MSANTD2: variants seen among roughly 807,000 people sequenced by gnomAD.
MSANTD2 encodes myb/SANT-like DNA-binding domain-containing protein 2.
Under a neutral mutation model 52.6 loss-of-function variants are expected in MSANTD2, and 19 were observed. The observed-to-expected ratio is 0.36, with a 90% CI of 0.25 to 0.53. The LOEUF is 0.53. Ranked by LOEUF, MSANTD2 falls within the 20% of genes least tolerant of loss-of-function variation. The pLI, the probability that MSANTD2 is intolerant of heterozygous loss-of-function variation, is 0.91. For missense variants in MSANTD2, 558 were observed against 716.3 expected, an observed-to-expected ratio of 0.78 and a Z score of 2.52; for synonymous variants, 291 against 289.7, an observed-to-expected ratio of 1.00 and a Z score of -0.04.
rs765997798 is a variant in MSANTD2 at position 124,774,721 on chromosome 11, A to G, written c.764T>C (p.Leu255Ser). ...DLHGYPTDQE[L>S]DEIPVTKRTL... ...ATCATATATGTTGGCTTTCTTACCCAATTCCTGATCTGTTGGATAGCCATG... is the reference window on the plus strand; with the variant it reads ...ATCATATATGTTGGCTTTCTTACCCGATTCCTGATCTGTTGGATAGCCATG... The change falls in exon 2 of 4, where the codon TTG (leucine) becomes TCG (serine). Residue 255 changes from leucine (L) to serine (S), a missense_variant and splice_region_variant. Leu to Ser is a moderately radical substitution (Grantham distance 145). Transcript: ENST00000374979. This position sits in a 1 kb window ranked among gnomAD's most constrained non-coding sequence, Gnocchi z 5.1. 1 of 1,613,896 alleles carries G rather than the reference A, an allele frequency of 6.2e-7. No homozygotes were observed. Among genetic ancestry groups the G allele is most frequent in the South Asian group, 1.1e-5 (1 of 91,030 alleles).
chr11:124,775,025 A>G, intron 1 of MSANTD2, 51 bp from the exon 2 acceptor site: 2 of 1,488,382 alleles, frequency 1.3e-6, no homozygotes, highest in South Asian at 2.6e-5. Context: ...TTCCTCTTCC[A>G]GGTACGGACC....
rs575393398 is a variant in MSANTD2, at chr11:124,784,301, A to G, written c.511-9327T>C. The G allele has an allele frequency of 1.0e-5, 10 of 985,404 alleles. No individual in the cohort carries two copies. The South Asian group carries it at 2.8e-4, about 28-fold the overall frequency. 61.0% of individuals were successfully genotyped at this position (985,404 alleles called of 1,614,324 possible). ...TTCACACCTTGGGGGACTACATCAA[A>G]GAGGTATTCAGATACACTAAAAATG... On this transcript the variant is annotated intron_variant, in intron 1 of 3. Coordinates refer to ENST00000374979, the MANE Select transcript of MSANTD2 (RefSeq NM_001308027.2).
At chr11:124,784,651 A>G (rs1371806232) in intron 1 of MSANTD2, 1 of 984,856 alleles carries the variant, frequency 1.0e-6, no homozygotes, top group Non-Finnish European at 1.2e-6. Context: ...TCGTCTGTTG[A>G]CCATGTGATT....
At chr11:124,791,187 A>G (rs1945321010) in intron 1 of MSANTD2, 1 of 1,098,042 alleles carries the variant, frequency 9.1e-7, no homozygotes. Context: ...GGTTGGAAGA[A>G]TGGGTGCATG....
intron 1 of MSANTD2, among the ~76,000 whole-genome samples, chr11:124,793,673 A>C (rs1219810264): frequency 6.6e-6 from 1 of 152,244 alleles, no homozygotes; most frequent in East Asian, 1.9e-4. Context: ...GAACACTTCC[A>C]TCATCACAAT....
At chr11:124,783,951 C>T (rs1945072155) in intron 1 of MSANTD2, 1 of 985,286 alleles carries the variant, frequency 1.0e-6, no homozygotes, top group African/African-American at 1.7e-5. Context: ...ACCTAGCATG[C>T]ATGTTCATGT....
intron 1 of MSANTD2, among the ~76,000 whole-genome samples, chr11:124,786,711 C>T (rs1447884187): frequency 2.6e-5 from 4 of 152,082 alleles, no homozygotes; most frequent in Admixed American, 1.3e-4. Context: ...TCTTAGGAAA[C>T]GATAAATTAT....
At position 124,800,351 on chromosome 11, in the gene MSANTD2, G is replaced by A. The variant is rs994945374; in HGVS notation, c.30C>T (p.Pro10=). The A allele has an allele frequency of 1.9e-6, 3 of 1,546,952 alleles. No homozygotes were observed. The highest frequency in any genetic ancestry group is 5.3e-5 in the East Asian group (2 of 37,840). Residue 10 remains proline (P), a synonymous_variant, in exon 1 of 4, where the codon CCC becomes CCT. Transcript: ENST00000374979. This position sits in a 1 kb window ranked among gnomAD's most constrained non-coding sequence, Gnocchi z 4.3. ...TCGGAATTTTTAGCGGCGAGTTGGC[G>A]GGCAGCTCCGAGCCACAGGGCGCAG... MAAPCGSEL[P]ANSPLKIPKM...
At chr11:124,795,180 CTT>C (rs1276201128) in intron 1 of MSANTD2, among the ~76,000 whole-genome samples, 1 of 152,162 alleles carries the variant, frequency 6.6e-6, no homozygotes, top group Non-Finnish European at 1.5e-5. Context: ...TGCCCGGCCT[CTT>C]TTACCATTTT....
intron 1 of MSANTD2, among the ~76,000 whole-genome samples, chr11:124,785,078 C>T (rs987102629): frequency 6.6e-6 from 1 of 152,288 alleles, no homozygotes; most frequent in African/African-American, 2.4e-5. Flanking sequence ...TAAATTCAGG[C>T]AATCATAACT....
At chr11:124,772,806 T>A (rs1331756769) in intron 3 of MSANTD2, among the ~76,000 whole-genome samples, 188 bp downstream of exon 3, 1 of 150,612 alleles carries the variant, frequency 6.6e-6, no homozygotes, top group Non-Finnish European at 1.5e-5. Context: ...GAATTACCAG[T>A]GATGCTATGT....
intron 1 of MSANTD2, chr11:124,784,595 T>C: frequency 1.0e-6 from 1 of 985,322 alleles, no homozygotes; most frequent in South Asian, 4.7e-5. Context: ...AAAGGGAGAC[T>C]GTGCAGAGCA....
At chr11:124,799,803 C>G in intron 1 of MSANTD2, 68 bp downstream of exon 1, 2 of 1,252,556 alleles carry the variant, frequency 1.6e-6, no homozygotes, top group South Asian at 2.8e-5. Flanking sequence ...CGGCCCCCGC[C>G]CCCGAGGCCC....
rs148480045 is a variant in MSANTD2 at position 124,772,151 on chromosome 11, T to C, written c.827+843A>G. The stretch of plus-strand genomic sequence containing the variant: ...CCCTGGACTTTCTTAGTCTTTCCTC[T>C]AGCAACTGCTTTCTTCTCCAAATGT... On this transcript the variant is annotated intron_variant, in intron 3 of 3. Transcript: ENST00000374979. Among the ~76,000 whole-genome samples the C allele has an allele frequency of 2.0e-3, 308 of 152,326 alleles. 2 individuals carry two copies. In the Middle Eastern group the frequency reaches 0.02, roughly 10 times the overall value.
rs1944334150 is a variant in MSANTD2, at chr11:124,767,291, G to A, written c.1565C>T (p.Ser522Phe). ...AAATTTGATGTAGATGGATTTGGGGGAAACTCCGGGATCCACAATACAGTT... is the reference window on the plus strand; with the variant it reads ...AAATTTGATGTAGATGGATTTGGGGAAAACTCCGGGATCCACAATACAGTT... ...SQNCIVDPGVSPKSIYIKFVE... is the reference protein window; with the variant it reads ...SQNCIVDPGVFPKSIYIKFVE... Residue 522 changes from serine to phenylalanine, a missense_variant, in exon 4 of 4, where the codon TCC becomes TTC. Ser to Phe is a radical substitution (Grantham distance 155). Around this residue, in one of 2 missense-constraint regions of MSANTD2, gnomAD observed 408 missense variants for 573.6 expected, o/e 0.71. Transcript: ENST00000374979. This position sits in a 1 kb window ranked among gnomAD's most constrained non-coding sequence, Gnocchi z 6.5. 1.9e-6 allele frequency: 3 copies of A among 1,614,044 alleles called. No homozygotes were observed. Among genetic ancestry groups the A allele is most frequent in the Non-Finnish European group, 2.5e-6 (3 of 1,180,032 alleles).
At chr11:124,789,061 G>A (rs1945253506) in intron 1 of MSANTD2, among the ~76,000 whole-genome samples, 1 of 152,124 alleles carries the variant, frequency 6.6e-6, no homozygotes, top group African/African-American at 2.4e-5. Flanking sequence ...TGTTAATGGG[G>A]TGCAATACAT....
intron 3 of MSANTD2, among the ~76,000 whole-genome samples, chr11:124,772,240 G>C (rs935624634): frequency 2.0e-5 from 3 of 152,074 alleles, no homozygotes; most frequent in African/African-American, 7.2e-5. Flanking sequence ...CCTCTGGTCC[G>C]CCTATCATTT....
In MSANTD2 at chr11:124,800,397, G is replaced by C. The variant is rs200299056; in HGVS notation, c.-17C>G. 354 of 1,483,164 alleles carry C rather than the reference G, an allele frequency of 2.4e-4. 1 individual carries two copies. Among genetic ancestry groups the C allele is most frequent in the Admixed American group, 2.3e-3 (101 of 44,658 alleles). The allele number at this position is 1,483,164 out of a possible 1,614,324, so 91.9% of individuals were successfully genotyped here. A position where few individuals can be genotyped will look rare whatever the true frequency, so the allele number is the denominator to read the frequency against. On this transcript the variant is annotated 5_prime_UTR_variant, in exon 1 of 4. Transcript: ENST00000374979. The surrounding 1 kb of genome is among the most constrained non-coding windows in gnomAD (Gnocchi z 4.3). ...CGCAGCCATCTTCCAAGCGGCCGCCGCTGCACCGCCCGGAAGTGACGCGCC... is the reference window on the plus strand; with the variant it reads ...CGCAGCCATCTTCCAAGCGGCCGCCCCTGCACCGCCCGGAAGTGACGCGCC...
chr11:124,785,732 G>A (rs61910629), intron 1 of MSANTD2, among the ~76,000 whole-genome samples: 6,812 of 151,840 alleles, frequency 0.045, 229 homozygotes, highest in Non-Finnish European at 0.07. Context: ...AGAGGGATCT[G>A]GGTAGCATGT....
Sources: allele counts gnomAD v4.1 joint callset (sites outside exome capture counted in the v4.1 genomes callset), GRCh38; gene constraint gnomAD v4.1.1; regional missense constraint gnomAD v4.1.1; non-coding constraint Gnocchi (gnomAD v3.1); transcripts MANE v1.5; gene names NCBI Gene and HGNC (gene_info 2026-07-23, HGNC 2026-07-21).